Variants in VANGL1 observed in about 807,000 individuals in gnomAD.
The protein encoded by VANGL1 is vang-like protein 1.
A neutral mutation model predicts 48.4 loss-of-function variants in VANGL1; 18 were observed. The ratio of observed to expected loss-of-function variants is 0.37; its 90% confidence interval spans 0.26 to 0.55. The LOEUF (loss-of-function observed/expected upper bound fraction) is 0.55, where lower values mean the gene tolerates loss of function less well. Ranked by LOEUF, VANGL1 falls within the 20% of genes least tolerant of loss-of-function variation. The probability of loss-of-function intolerance (pLI) is 0.81; values close to 1 mark genes in which losing one functional copy is unlikely to be tolerated. For missense variants in VANGL1, 667 were observed against 675.8 expected (o/e 0.99, Z 0.14); for synonymous variants, 257 against 261.8 (o/e 0.98, Z 0.18).
chr1:115,682,631 C>T, intron 5 of VANGL1, 134 bp downstream of exon 5: 1 of 1,396,692 alleles, frequency 7.2e-7, no homozygotes, highest in East Asian at 2.4e-5. Context: ...AGAACAATTT[C>T]TCTTTTTTAT....
intron 3 of VANGL1, 106 bp downstream of exon 3, chr1:115,659,879 A>C (rs1215377912): frequency 6.7e-7 from 1 of 1,502,330 alleles, no homozygotes; most frequent in Non-Finnish European, 9.2e-7. Context: ...TTTTTCTAGC[A>C]TGCTAATTAG....
chr1:115,693,257 T>C lies in VANGL1; in HGVS notation c.*1878T>C, dbSNP rs1407327167. 5.2e-5 allele frequency: 8 copies of C among 152,638 alleles called. No individual in the cohort carries two copies. The allele number at this position is 152,638 out of a possible 1,614,324, so 9.5% of individuals were successfully genotyped here. A position where few individuals can be genotyped will look rare whatever the true frequency, so the allele number is the denominator to read the frequency against. On this transcript the variant is annotated 3_prime_UTR_variant, in exon 8 of 8. Transcript: ENST00000355485. ...AAACTGGAAGTTCCTTACAATATCT[T>C]TCTCAGGAAATATTTTGGGAAATGG...
chr1:115,673,514 G>T (rs541013909), intron 4 of VANGL1, among the ~76,000 whole-genome samples: 1 of 150,806 alleles, frequency 6.6e-6, no homozygotes, highest in Admixed American at 6.6e-5. Context: ...GCAACCCTTC[G>T]TGTTCCTTTA....
chr1:115,651,741 T>C (rs1349469010), intron 2 of VANGL1, among the ~76,000 whole-genome samples: 2 of 152,126 alleles, frequency 1.3e-5, no homozygotes, highest in African/African-American at 4.8e-5. Flanking sequence ...AGTGGAAATG[T>C]TTTTCATTTC....
intron 4 of VANGL1, among the ~76,000 whole-genome samples, chr1:115,676,735 T>C (rs1402909232): frequency 6.6e-6 from 1 of 152,248 alleles, no homozygotes; most frequent in African/African-American, 2.4e-5. Context: ...TTAACCTGCC[T>C]TAGGGCGATG....
Position 115,687,186 on chromosome 1 carries a change from A to G in VANGL1, c.1314+1659A>G, listed in dbSNP as rs1653665318. ...CTATTTCCTACAATCATATATACAC[A>G]TGAATATACACAAAGGTGGTGTTTT... On this transcript the variant is annotated intron_variant, in intron 7 of 7. Coordinates refer to ENST00000355485, the MANE Select transcript of VANGL1 (RefSeq NM_138959.3). Among the ~76,000 whole-genome samples, 2 of 139,182 alleles carry G rather than the reference A, an allele frequency of 1.4e-5. 1 individual carries two copies. 91.3% of individuals were successfully genotyped at this position (139,182 alleles called of 152,430 possible).
intron 7 of VANGL1, among the ~76,000 whole-genome samples, chr1:115,686,600 T>C (rs552617879): frequency 2.6e-5 from 4 of 152,252 alleles, no homozygotes; most frequent in South Asian, 4.1e-4. Context: ...CTTAATTGTT[T>C]TGTGACTGTG....
chr1:115,685,448 C>T lies in VANGL1; in HGVS notation c.1235C>T (p.Thr412Ile), dbSNP rs750151121. The change falls in exon 7 of 8, where the codon ACC (threonine) becomes ATC (isoleucine). Residue 412 changes from threonine to isoleucine, a missense_variant. Transcript: ENST00000355485. ...ARALQKYLRI[T>I]RQQNYHSMES... is the part of the protein sequence containing the mutation. ...GCTCTCCAGAAGTACCTGCGCATCA[C>T]CCGGCAGCAGAACTACCACAGCATG... 1 of 1,614,152 alleles carries T rather than the reference C, an allele frequency of 6.2e-7. No homozygotes were observed. The highest frequency in any genetic ancestry group is 1.1e-5 in the South Asian group (1 of 91,082).
intron 3 of VANGL1, among the ~76,000 whole-genome samples, chr1:115,662,409 T>G (rs1027186977): frequency 3.9e-5 from 6 of 152,246 alleles, no homozygotes; most frequent in African/African-American, 1.4e-4. Flanking sequence ...AGAAACCTCT[T>G]TGGCCTCCTG....
intron 3 of VANGL1, among the ~76,000 whole-genome samples, chr1:115,662,221 G>A (rs1429451475): frequency 8.3e-6 from 1 of 121,156 alleles, no homozygotes; most frequent in Non-Finnish European, 1.9e-5. Flanking sequence ...CATAAATCAT[G>A]GTTTTTTTGG....
chr1:115,687,766 G>A (rs1252632760), intron 7 of VANGL1, among the ~76,000 whole-genome samples: 4 of 126,104 alleles, frequency 3.2e-5, no homozygotes, highest in East Asian at 2.3e-4. Context: ...ACAGGCACAC[G>A]CCACCATGCC....
chr1:115,679,612 G>A (rs985667886), intron 4 of VANGL1, among the ~76,000 whole-genome samples: 2 of 152,208 alleles, frequency 1.3e-5, no homozygotes, highest in African/African-American at 2.4e-5. Flanking sequence ...AGGAGGCTCC[G>A]ACCCACCCAT....
intron 4 of VANGL1, 105 bp from the exon 5 acceptor site, chr1:115,682,259 C>T: frequency 7.5e-6 from 11 of 1,467,010 alleles, no homozygotes; most frequent in Non-Finnish European, 8.4e-6. Context: ...ATGAGATTAT[C>T]TTTGATGTTG....
intron 3 of VANGL1, among the ~76,000 whole-genome samples, chr1:115,661,376 A>G (rs1403389143): frequency 2.0e-5 from 3 of 152,020 alleles, no homozygotes; most frequent in East Asian, 1.9e-4. Flanking sequence ...CACTGTGTTG[A>G]TTTCTATCAC....
At chr1:115,669,514 A>G (rs1231179345) in intron 4 of VANGL1, among the ~76,000 whole-genome samples, 1 of 152,192 alleles carries the variant, frequency 6.6e-6, no homozygotes, top group African/African-American at 2.4e-5. Context: ...GTGGGAGTTC[A>G]TTGAATCACG....
chr1:115,687,701 TTC>T (rs1188616709), intron 7 of VANGL1, among the ~76,000 whole-genome samples: 3 of 77,002 alleles, frequency 3.9e-5, no homozygotes, highest in Admixed American at 1.7e-4. Context: ...TGCTCTCTCT[TTC>T]TCTGTGTGTG....
In VANGL1 at chr1:115,663,749, A is replaced by G; in HGVS notation, c.293A>G (p.Asp98Gly). ...SQEDIARISK[D>G]MEDSVGLDCK... ...GAGGACATTGCCAGGATCAGCAAGGACATGGAGGACAGCGTGGGGCTGGAT... is the reference window on the plus strand; with the variant it reads ...GAGGACATTGCCAGGATCAGCAAGGGCATGGAGGACAGCGTGGGGCTGGAT... Residue 98 changes from aspartate to glycine, a missense_variant, in exon 4 of 8, where the codon GAC becomes GGC. Physicochemically the swap from Asp to Gly is moderately conservative, Grantham distance 94. Coordinates refer to ENST00000355485, the MANE Select transcript of VANGL1 (RefSeq NM_138959.3). 2 of 1,614,196 alleles carry G rather than the reference A, an allele frequency of 1.2e-6. No homozygotes were observed. Among genetic ancestry groups the G allele is most frequent in the Non-Finnish European group, 1.7e-6 (2 of 1,180,028 alleles).
At chr1:115,678,497 T>G (rs1653251755) in intron 4 of VANGL1, among the ~76,000 whole-genome samples, 1 of 152,226 alleles carries the variant, frequency 6.6e-6, no homozygotes, top group African/African-American at 2.4e-5. Context: ...TCACACTTGC[T>G]GCAGCTTGGG....
intron 1 of VANGL1, among the ~76,000 whole-genome samples, chr1:115,650,410 T>G (rs1224186412): frequency 6.6e-6 from 1 of 152,162 alleles, no homozygotes; most frequent in Non-Finnish European, 1.5e-5. Flanking sequence ...TGTTTCCAAT[T>G]TATTTTTATT....
Sources: allele counts gnomAD v4.1 joint callset (sites outside exome capture counted in the v4.1 genomes callset), GRCh38; gene constraint gnomAD v4.1.1; transcripts MANE v1.5; gene names NCBI Gene and HGNC (gene_info 2026-07-23, HGNC 2026-07-21).